Variants in ISM1 observed in about 807,000 individuals in gnomAD.
ISM1 encodes the protein isthmin 1.
Under a neutral mutation model 46.3 loss-of-function variants are expected in ISM1, and 25 were observed. That is an observed-to-expected ratio of 0.54 (90% confidence interval 0.39 to 0.75). The LOEUF (loss-of-function observed/expected upper bound fraction) is 0.75, where lower values mean the gene tolerates loss of function less well. ISM1 is among the 30% of genes least tolerant of loss of function. The probability of loss-of-function intolerance (pLI) is 0.00; values close to 1 mark genes in which losing one functional copy is unlikely to be tolerated. For synonymous variants in ISM1, 255 were observed against 256.7 expected, an observed-to-expected ratio of 0.99 and a Z score of 0.06; for missense variants, 536 against 625.4, an observed-to-expected ratio of 0.86 and a Z score of 1.52.
Position 13,276,237 on chromosome 20 carries a change from C to T in ISM1, c.379-3397C>T, listed in dbSNP as rs915543816. On this transcript the variant is annotated intron_variant, in intron 2 of 5. Transcript: ENST00000262487. ...TCCACAGCTCACAAGGCTTAGAGGA[C>T]CAACAAGCAAGAAGGCTTTCCTGAG... 2.6e-5 allele frequency among the ~76,000 whole-genome samples: 4 copies of T among 152,126 alleles called. No individual in the cohort carries two copies. The South Asian group carries it at 8.3e-4, about 32-fold the overall frequency.
intron 1 of ISM1, among the ~76,000 whole-genome samples, chr20:13,252,888 C>G (rs1477016366): frequency 6.6e-6 from 1 of 152,196 alleles, no homozygotes; most frequent in Admixed American, 6.5e-5. Flanking sequence ...CATTTACTGA[C>G]AGATAATTTC....
the ISM1 span, among the ~76,000 whole-genome samples, chr20:13,311,284 A>G: frequency 9.2e-6 from 1 of 109,074 alleles, no homozygotes; most frequent in Non-Finnish European, 2.0e-5. Context: ...TAGATAGATA[A>G]TAAAATATTT....
chr20:13,308,778 A>G, the ISM1 span, among the ~76,000 whole-genome samples: 1 of 152,310 alleles, frequency 6.6e-6, no homozygotes, highest in South Asian at 2.1e-4. Context: ...CCCCAAAGTT[A>G]TGATATTCGG....
At chr20:13,224,897 G>C (rs976275983) in intron 1 of ISM1, among the ~76,000 whole-genome samples, 4 of 143,036 alleles carry the variant, frequency 2.8e-5, no homozygotes, top group African/African-American at 7.9e-5. Context: ...CCAGGCTGGA[G>C]TGCAGTGGCG....
the ISM1 span, among the ~76,000 whole-genome samples, chr20:13,326,470 T>C: frequency 1.3e-5 from 2 of 152,200 alleles, no homozygotes; most frequent in Non-Finnish European, 2.9e-5. Context: ...AGCATCAATA[T>C]GTGAGTGTTC....
chr20:13,227,858 G>A (rs1331270619), intron 1 of ISM1, among the ~76,000 whole-genome samples: 1 of 151,402 alleles, frequency 6.6e-6, no homozygotes, highest in African/African-American at 2.4e-5. Flanking sequence ...TATTAATAAT[G>A]TCTATCTTAG....
chr20:13,287,623 C>G (rs1184509430), intron 3 of ISM1, among the ~76,000 whole-genome samples: 1 of 152,144 alleles, frequency 6.6e-6, no homozygotes, highest in Non-Finnish European at 1.5e-5. Context: ...TTTCTCTTTT[C>G]TCACTAAAAT....
chr20:13,307,016 G>C, the ISM1 span, among the ~76,000 whole-genome samples: 232 of 152,304 alleles, frequency 1.5e-3, no homozygotes, highest in African/African-American at 5.3e-3. Flanking sequence ...TGCTATTACA[G>C]GATATTGGAG....
the ISM1 span, among the ~76,000 whole-genome samples, chr20:13,312,487 A>C: frequency 2.0e-5 from 3 of 152,182 alleles, no homozygotes; most frequent in Admixed American, 2.0e-4. Flanking sequence ...TCCCTCATGC[A>C]CAGTCTGAGA....
At chr20:13,248,167 T>C (rs1311383182) in intron 1 of ISM1, among the ~76,000 whole-genome samples, 1 of 152,244 alleles carries the variant, frequency 6.6e-6, no homozygotes, top group Admixed American at 6.5e-5. Flanking sequence ...AGTACATTTC[T>C]TTGTGTGCAC....
intron 1 of ISM1, among the ~76,000 whole-genome samples, chr20:13,236,839 G>T (rs2039655523): frequency 6.6e-6 from 1 of 152,266 alleles, no homozygotes; most frequent in African/African-American, 2.4e-5. Flanking sequence ...GATGCAAGAG[G>T]TGGGTTCCCA....
chr20:13,291,193 G>C (rs931525980), intron 4 of ISM1, among the ~76,000 whole-genome samples: 2 of 152,202 alleles, frequency 1.3e-5, no homozygotes, highest in African/African-American at 4.8e-5. Context: ...GTGGCCAGGA[G>C]CCCTCTTCAT....
At chr20:13,278,421 G>A (rs1236520307) in intron 2 of ISM1, among the ~76,000 whole-genome samples, 1 of 152,156 alleles carries the variant, frequency 6.6e-6, no homozygotes, top group African/African-American at 2.4e-5. Flanking sequence ...TTGTACTTAT[G>A]TCTCTATACA....
downstream of ISM1, among the ~76,000 whole-genome samples, chr20:13,305,188 C>T (rs558498702): frequency 3.9e-5 from 5 of 127,478 alleles, no homozygotes; most frequent in East Asian, 2.2e-4. Context: ...ATTTTAATAC[C>T]GTTGAGTTGT....
rs946844833 is a variant in ISM1, at chr20:13,300,136, C to T, written c.*677C>T. 8 of 152,036 alleles carry T rather than the reference C, an allele frequency of 5.3e-5. No homozygotes were observed. The highest frequency in any genetic ancestry group is 1.2e-4 in the African/African-American group (5 of 41,370). 9.4% of individuals were successfully genotyped at this position (152,036 alleles called of 1,614,324 possible). The stretch of plus-strand genomic sequence containing the variant: ...GGAATATGATATTTTAGGGACAAAG[C>T]TGAGGACTGGTTTTAAATAGGCTTT... On this transcript the variant is annotated 3_prime_UTR_variant, in exon 6 of 6. Transcript: ENST00000262487.
At chr20:13,256,227 T>C (rs7267829) in intron 1 of ISM1, among the ~76,000 whole-genome samples, 24,876 of 151,560 alleles carry the variant, frequency 0.16, 2,284 homozygotes, top group East Asian at 0.42. Context: ...GAAACCCCAT[T>C]TTTACTAAAA....
At position 13,299,840 on chromosome 20, in the gene ISM1, A is replaced by G. The variant is rs1012115454; in HGVS notation, c.*381A>G. The stretch of plus-strand genomic sequence containing the variant: ...GTTGTAAACGTTATAAGCAGTTTTT[A>G]TATATAACTTATTTAATACAAATGT... On this transcript the variant is annotated 3_prime_UTR_variant, in exon 6 of 6. Transcript: ENST00000262487. The surrounding 1 kb of genome is among the most constrained non-coding windows in gnomAD (Gnocchi z 5.8). 8.1e-4 allele frequency: 142 copies of G among 176,026 alleles called. 1 individual carries two copies. The highest frequency in any genetic ancestry group is 2.0e-4 in the Non-Finnish European group (16 of 81,916). 10.9% of individuals were successfully genotyped at this position (176,026 alleles called of 1,614,324 possible).
chr20:13,311,361 T>C, the ISM1 span, among the ~76,000 whole-genome samples: 7 of 152,168 alleles, frequency 4.6e-5, no homozygotes, highest in African/African-American at 1.7e-4. Context: ...ACAGCCATTA[T>C]GGGAAACAGC....
At chr20:13,247,517 G>GGGGGTGTGTGTGTGTGTGT in intron 1 of ISM1, among the ~76,000 whole-genome samples, 1 of 139,912 alleles carries the variant, frequency 7.1e-6, no homozygotes, top group African/African-American at 2.7e-5. Flanking sequence ...CAAAGTGAGG[G>GGGGGTGTGTGTGTGTGTGT]GTGTGTGTGT....
Sources: gnomAD v4.1 joint callset for allele counts (sites outside exome capture counted in the v4.1 genomes callset) on GRCh38, gnomAD v4.1.1 for gene constraint, Gnocchi (gnomAD v3.1) non-coding constraint, MANE v1.5 for transcripts, NCBI Gene and HGNC (gene_info 2026-07-23, HGNC 2026-07-21) for gene names.